Variants in TYRP1 observed in about 807,000 individuals in gnomAD.
The protein encoded by TYRP1 is 5,6-dihydroxyindole-2-carboxylic acid oxidase.
A neutral mutation model predicts 42.8 loss-of-function variants in TYRP1; 49 were observed. That is an observed-to-expected ratio of 1.14 (90% CI 0.91 to 1.45). The LOEUF is 1.45. Among genes scored for constraint, TYRP1 ranks in the 40% most tolerant of loss-of-function variants. The pLI, the probability that TYRP1 is intolerant of heterozygous loss-of-function variation, is 0.00. For synonymous variants in TYRP1, 279 were observed against 235.4 expected (o/e 1.19, Z -1.69); for missense variants, 848 against 662.0 (o/e 1.28, Z -3.08).
At position 12,709,586 on chromosome 9, in the gene TYRP1, A is replaced by AACT. The variant is rs1316320607; in HGVS notation, c.*404_*405insACT. 1 of 184,500 alleles carries AACT rather than the reference A, an allele frequency of 5.4e-6. No homozygotes were observed. Among genetic ancestry groups the AACT allele is most frequent in the Non-Finnish European group, 1.2e-5 (1 of 85,788 alleles). 11.4% of individuals were successfully genotyped at this position (184,500 alleles called of 1,614,324 possible). A position where few individuals can be genotyped will look rare whatever the true frequency, so the allele number is the denominator to read the frequency against. On this transcript the variant is annotated 3_prime_UTR_variant, in exon 8 of 8. Transcript: ENST00000388918. ...ATTTCTAAAATGTTAAAACATAAACACATTTCCATTCATGGATATTTGTCA... is the reference window on the plus strand; with the variant it reads ...ATTTCTAAAATGTTAAAACATAAACAACTCATTTCCATTCATGGATATTTGTCA...
chr9:12,699,136 G>C (rs567085031), intron 4 of TYRP1, among the ~76,000 whole-genome samples: 1 of 152,198 alleles, frequency 6.6e-6, no homozygotes, highest in South Asian at 2.1e-4. Flanking sequence ...TGATATGGGG[G>C]ATAGTTTTCA....
chr9:12,705,521 T>C (rs867049548), intron 6 of TYRP1, among the ~76,000 whole-genome samples: 1 of 152,142 alleles, frequency 6.6e-6, no homozygotes, highest in South Asian at 2.1e-4. Flanking sequence ...GGACCATTAA[T>C]TGATGAAATT....
chr9:12,707,798 T>C (rs1818282591), intron 6 of TYRP1, 199 bp from the exon 7 acceptor site: 1 of 563,422 alleles, frequency 1.8e-6, no homozygotes, highest in African/African-American at 1.9e-5. Flanking sequence ...AGTGGTATAT[T>C]GGTACTGTAT....
chr9:12,702,907 T>G (rs1818196024), intron 5 of TYRP1, among the ~76,000 whole-genome samples: 1 of 152,044 alleles, frequency 6.6e-6, no homozygotes, highest in Admixed American at 6.6e-5. Context: ...ACCTGTAACT[T>G]TTTTCAAAGG....
intron 6 of TYRP1, among the ~76,000 whole-genome samples, chr9:12,705,823 G>T (rs1818248933): frequency 2.0e-5 from 3 of 150,056 alleles, no homozygotes; most frequent in Middle Eastern, 6.9e-3. Context: ...CTCTAGCCTG[G>T]CTGACAGAGA....
Position 12,693,990 on chromosome 9 carries a change from A to C in TYRP1, c.-7A>C. On this transcript the variant is annotated 5_prime_UTR_variant, in exon 2 of 8. Transcript: ENST00000388918. ...GGTCTTTGTTTTGCACTCTTATTTC[A>C]AGCAGAATGAGTGCTCCTAAACTCC... is the stretch of plus-strand genomic sequence containing the variant. The C allele has an allele frequency of 6.2e-7, 1 of 1,613,636 alleles. No homozygotes were observed. Among genetic ancestry groups the C allele is most frequent in the Non-Finnish European group, 8.5e-7 (1 of 1,179,948 alleles).
At chr9:12,707,042 A>G (rs2118268405) in intron 6 of TYRP1, among the ~76,000 whole-genome samples, 1 of 152,074 alleles carries the variant, frequency 6.6e-6, no homozygotes, top group South Asian at 2.1e-4. Context: ...AGAGCATCCA[A>G]ACTCTAGTTA....
At chr9:12,697,519 A>G (rs902372562) in intron 3 of TYRP1, among the ~76,000 whole-genome samples, 3 of 152,100 alleles carry the variant, frequency 2.0e-5, no homozygotes, top group African/African-American at 7.2e-5. Context: ...ACCCAAGGAT[A>G]AGAAAATGCT....
intron 1 of TYRP1, among the ~76,000 whole-genome samples, 193 bp downstream of exon 1, chr9:12,693,671 GTA>G (rs577668260): frequency 6.7e-6 from 1 of 150,336 alleles, no homozygotes; most frequent in African/African-American, 2.5e-5. Context: ...TATCTAGTAT[GTA>G]TATATATATA....
At chr9:12,698,768 T>G in intron 4 of TYRP1, 113 bp downstream of exon 4, 1 of 1,002,830 alleles carries the variant, frequency 1.0e-6, no homozygotes, top group South Asian at 1.4e-5. Context: ...AATCTACTTT[T>G]ATTATAGAGT....
chr9:12,709,240 G>GAT lies in TYRP1; in HGVS notation c.*59_*60dup. The GAT allele has an allele frequency of 6.8e-7, 1 of 1,478,970 alleles. No homozygotes were observed. The highest frequency in any genetic ancestry group is 1.1e-5 in the South Asian group (1 of 88,148). The allele number at this position is 1,478,970 out of a possible 1,614,324, so 91.6% of individuals were successfully genotyped here. A position where few individuals can be genotyped will look rare whatever the true frequency, so the allele number is the denominator to read the frequency against. On this transcript the variant is annotated 3_prime_UTR_variant, in exon 8 of 8. Transcript: ENST00000388918. Reference sequence around the variant, plus strand: ...CAAAACCACCTGGTTGAATATAATAGATTGAGTTATTAACTGTATTTTCTT... The same window carrying GAT: ...CAAAACCACCTGGTTGAATATAATAGATATTGAGTTATTAACTGTATTTTCTT...
rs771888519 is a variant in TYRP1, at chr9:12,693,957, G to A, written c.-40G>A. Reference sequence around the variant, plus strand: ...TTCAGTCTTCTCTACACAAAGAGCTGCAAACCAGGTCTTTGTTTTGCACTC... The same window carrying A: ...TTCAGTCTTCTCTACACAAAGAGCTACAAACCAGGTCTTTGTTTTGCACTC... On this transcript the variant is annotated 5_prime_UTR_variant, in exon 2 of 8. Coordinates refer to ENST00000388918, the MANE Select transcript of TYRP1 (RefSeq NM_000550.3). 4.3e-6 allele frequency: 7 copies of A among 1,612,070 alleles called. No individual in the cohort carries two copies. The Admixed American group carries it at 1.2e-4, about 27-fold the overall frequency.
At chr9:12,708,290 A>T in intron 7 of TYRP1, 147 bp downstream of exon 7, 1 of 1,010,980 alleles carries the variant, frequency 9.9e-7, no homozygotes. Flanking sequence ...GGATAAGGGA[A>T]GGAATTTGAT....
chr9:12,707,342 G>A (rs1026430832), intron 6 of TYRP1, among the ~76,000 whole-genome samples: 2 of 151,862 alleles, frequency 1.3e-5, no homozygotes, highest in African/African-American at 2.4e-5. Flanking sequence ...CCAGAAATAC[G>A]ATGCTATACA....
In TYRP1 at chr9:12,698,500, C is replaced by T. The variant is rs202126779; in HGVS notation, c.758C>T (p.Thr253Met). 55 of 1,613,566 alleles carry T rather than the reference C, an allele frequency of 3.4e-5. 1 individual carries two copies. The highest frequency in any genetic ancestry group is 4.5e-5 in the East Asian group (2 of 44,850). Reference sequence around the variant, plus strand: ...TCCCTTCCTTACTGGAATTTTGCAACGGGGAAAAATGTCTGTGATATCTGC... The same window carrying T: ...TCCCTTCCTTACTGGAATTTTGCAATGGGGAAAAATGTCTGTGATATCTGC... ...SFSLPYWNFA[T>M]GKNVCDICTD... Residue 253 changes from threonine to methionine, a missense_variant, in exon 4 of 8, where the codon ACG becomes ATG. Thr to Met is a moderately conservative substitution (Grantham distance 81, BLOSUM62 -1). Transcript: ENST00000388918.
rs747926709 is a variant in TYRP1 at position 12,695,739 on chromosome 9, G to A, written c.610G>A (p.Gly204Arg). The A allele has an allele frequency of 8.7e-6, 14 of 1,614,008 alleles. No homozygotes were observed. In the African/African-American group the frequency reaches 1.7e-4, roughly 20 times the overall value. Residue 204 changes from glycine (G) to arginine (R), a missense_variant, in exon 3 of 8, where the codon GGA becomes AGA. Gly to Arg is a moderately radical substitution (Grantham distance 125). Transcript: ENST00000388918. The stretch of plus-strand genomic sequence containing the variant: ...AGTCAAAAAGACTTTCCTTGGGGTA[G>A]GACAGGAAAGCTTTGGTGAAGTGGA... ...YSVKKTFLGV[G>R]QESFGEVDFS...
intron 6 of TYRP1, among the ~76,000 whole-genome samples, chr9:12,706,258 G>GTGT (rs1300236954): frequency 6.6e-6 from 1 of 151,974 alleles, no homozygotes; most frequent in South Asian, 2.1e-4. Flanking sequence ...AATGCCGTGG[G>GTGT]TGTTAGTAAA....
At chr9:12,698,387 A>G (rs548998763) in intron 3 of TYRP1, 64 bp from the exon 4 acceptor site, 1 of 1,486,454 alleles carries the variant, frequency 6.7e-7, no homozygotes, top group East Asian at 2.3e-5. Flanking sequence ...CAGAGAGTAG[A>G]CCAAACAGAA....
intron 6 of TYRP1, among the ~76,000 whole-genome samples, chr9:12,706,520 G>C (rs540421768): frequency 1.3e-5 from 2 of 151,954 alleles, no homozygotes; most frequent in South Asian, 4.1e-4. Context: ...TGTAGCATAA[G>C]GTTTCTCAGT....
Sources: allele counts gnomAD v4.1 joint callset (sites outside exome capture counted in the v4.1 genomes callset), GRCh38; gene constraint gnomAD v4.1.1; transcripts MANE v1.5; gene names NCBI Gene and HGNC (gene_info 2026-07-23, HGNC 2026-07-21).